The following GRK1 variants were observed in gnomAD, a reference collection of about 807,000 sequenced individuals.
GRK1 encodes G protein-coupled receptor kinase 1.
GRK1 carries 28 observed loss-of-function variants against 41.7 expected under a neutral mutation model. The observed-to-expected ratio is 0.67, with a 90% confidence interval of 0.50 to 0.92. GRK1 has a LOEUF of 0.92. GRK1 is among the 40% of genes least tolerant of loss of function. The probability of loss-of-function intolerance (pLI) is 0.00; values close to 1 mark genes in which losing one functional copy is unlikely to be tolerated. For missense variants in GRK1, 703 were observed against 671.2 expected, an observed-to-expected ratio of 1.05 and a Z score of -0.52; for synonymous variants, 327 against 286.7, an observed-to-expected ratio of 1.14 and a Z score of -1.42.
At chr13:113,732,785 C>A in intron 5 of GRK1, 99 bp from the exon 6 acceptor site, 3 of 1,309,950 alleles carry the variant, frequency 2.3e-6, no homozygotes, top group Non-Finnish European at 3.1e-6. Flanking sequence ...CCCCCACCCG[C>A]GTGGGTGAGC....
chr13:113,727,227 C>T (rs2049894792), intron 4 of GRK1, among the ~76,000 whole-genome samples: 1 of 152,256 alleles, frequency 6.6e-6, no homozygotes, highest in African/African-American at 2.4e-5. Context: ...GCCAAGGACC[C>T]TGCTTGGTCA....
chr13:113,649,238 C>T, the GRK1 span: 518 of 1,061,142 alleles, frequency 4.9e-4, 2 homozygotes, highest in African/African-American at 7.8e-3. The surrounding 1 kb of genome is among the most constrained non-coding windows in gnomAD (Gnocchi z 4.7). Context: ...CTCTGGAGTT[C>T]GCACACTGAC....
At chr13:113,651,698 C>T in the GRK1 span, 18 of 1,613,308 alleles carry the variant, frequency 1.1e-5, no homozygotes, top group African/African-American at 5.3e-5. Flanking sequence ...CTCTGGGGGC[C>T]GAGCCGTTGC....
At chr13:113,668,330 C>T (rs950774981) in intron 1 of GRK1, among the ~76,000 whole-genome samples, 1 of 152,214 alleles carries the variant, frequency 6.6e-6, no homozygotes, top group Non-Finnish European at 1.5e-5. Context: ...GGACGTGCCA[C>T]GTTCACTCGT....
chr13:113,727,870 T>G (rs1402843696), intron 4 of GRK1, among the ~76,000 whole-genome samples: 6 of 86,318 alleles, frequency 7.0e-5, no homozygotes, highest in African/African-American at 1.5e-4. Flanking sequence ...CCCATGGCGA[T>G]GAGTACCCAT....
At position 113,667,585 on chromosome 13, in the gene GRK1, A is replaced by G. The variant is rs371644978; in HGVS notation, c.199A>G (p.Ile67Val). The G allele has an allele frequency of 1.4e-4, 231 of 1,613,484 alleles. No individual in the cohort carries two copies. The highest frequency in any genetic ancestry group is 1.8e-4 in the Non-Finnish European group (216 of 1,179,894). ...TGAGAGTGTGTGCTTGGAGCAGCCC[A>G]TCGGCAAGAAGCTCTTTCAGCAGTT... Reference protein sequence around the residue: ...EFESVCLEQPIGKKLFQQFLQ... With the variant: ...EFESVCLEQPVGKKLFQQFLQ... Residue 67 changes from isoleucine (I) to valine (V), a missense_variant, in exon 1 of 7, where the codon ATC becomes GTC. By Grantham distance (29) the Ile-to-Val change is conservative (BLOSUM62 3). Transcript: ENST00000335678. The surrounding 1 kb of genome is among the most constrained non-coding windows in gnomAD (Gnocchi z 7.5).
upstream of GRK1, among the ~76,000 whole-genome samples, chr13:113,662,929 T>A (rs2049798522): frequency 6.6e-6 from 1 of 152,230 alleles, no homozygotes; most frequent in Non-Finnish European, 1.5e-5. Context: ...TTTTGGTAGA[T>A]ATATACAAGA....
intron 6 of GRK1, among the ~76,000 whole-genome samples, 171 bp downstream of exon 6, chr13:113,733,256 C>A (rs2049950885): frequency 6.6e-6 from 1 of 152,218 alleles, no homozygotes; most frequent in African/African-American, 2.4e-5. Context: ...ATCCCAGCCC[C>A]AGGACAAGCC....
chr13:113,733,933 CATACGTGTGT>C (rs2049976298), intron 6 of GRK1, among the ~76,000 whole-genome samples: 1 of 97,314 alleles, frequency 1.0e-5, no homozygotes, highest in African/African-American at 4.5e-5. Context: ...TGCATGTGTG[CATACGTGTGT>C]GCGTGTGTGT....
chr13:113,664,497 C>T (rs1329634278), upstream of GRK1, among the ~76,000 whole-genome samples: 2 of 152,290 alleles, frequency 1.3e-5, no homozygotes, highest in East Asian at 1.9e-4. This position sits in a 1 kb window ranked among gnomAD's most constrained non-coding sequence, Gnocchi z 5.4. Context: ...TTGAGAGACA[C>T]GTTCACTCTG....
chr13:113,659,012 A>G, the GRK1 span, among the ~76,000 whole-genome samples: 1 of 152,098 alleles, frequency 6.6e-6, no homozygotes, highest in African/African-American at 2.4e-5. Flanking sequence ...CCTGGGCAGT[A>G]CCTCGGGGTC....
At chr13:113,654,051 G>C in the GRK1 span, among the ~76,000 whole-genome samples, 1 of 152,170 alleles carries the variant, frequency 6.6e-6, no homozygotes, top group African/African-American at 2.4e-5. Flanking sequence ...CTTCCCGTGC[G>C]ATTGGGAGCC....
At chr13:113,667,212 G>A, upstream of GRK1, 1 of 633,488 alleles carries the variant, frequency 1.6e-6, no homozygotes, top group Non-Finnish European at 2.6e-6. The surrounding 1 kb of genome is among the most constrained non-coding windows in gnomAD (Gnocchi z 7.5). Flanking sequence ...GCTCCCAGGG[G>A]CTTCCCAGTG....
upstream of GRK1, among the ~76,000 whole-genome samples, chr13:113,665,802 G>T (rs1214352864): frequency 7.1e-6 from 1 of 141,518 alleles, no homozygotes; most frequent in African/African-American, 2.7e-5. Flanking sequence ...TCTCAGATGG[G>T]TCCCAAGTGT....
At chr13:113,724,946 G>A (rs2049881713) in intron 4 of GRK1, among the ~76,000 whole-genome samples, 2 of 152,224 alleles carry the variant, frequency 1.3e-5, no homozygotes, top group Non-Finnish European at 1.5e-5. Context: ...CGGATGGAAA[G>A]GGCCCAGCTT....
rs766547270 is a variant in GRK1 at position 113,671,630 on chromosome 13, C to T, written c.959C>T (p.Pro320Leu). 3.9e-6 allele frequency: 3 copies of T among 768,400 alleles called. No individual in the cohort carries two copies. Among genetic ancestry groups the T allele is most frequent in the Admixed American group, 3.4e-5 (2 of 58,720 alleles). 47.6% of individuals were successfully genotyped at this position (768,400 alleles called of 1,614,324 possible). The change falls in exon 3 of 7, where the codon CCC (proline) becomes CTC (leucine). Residue 320 changes from proline (P) to leucine (L), a missense_variant. Transcript: ENST00000335678. The surrounding 1 kb of genome is among the most constrained non-coding windows in gnomAD (Gnocchi z 4.1). The stretch of plus-strand genomic sequence containing the variant: ...CGGATCGTCTACCGCGACCTCAAGC[C>T]CGAGAACGTGCTGCTGGACAATGAC... ...QRRIVYRDLK[P>L]ENVLLDNDGN...
At chr13:113,650,124 T>C in the GRK1 span, among the ~76,000 whole-genome samples, 1 of 151,768 alleles carries the variant, frequency 6.6e-6, no homozygotes, top group African/African-American at 2.4e-5. This position sits in a 1 kb window ranked among gnomAD's most constrained non-coding sequence, Gnocchi z 5.0. Flanking sequence ...GATGCTAAGA[T>C]TGCATTGCTG....
the GRK1 span, among the ~76,000 whole-genome samples, chr13:113,658,999 C>T: frequency 4.0e-3 from 613 of 152,290 alleles, 2 homozygotes; most frequent in African/African-American, 0.013. Flanking sequence ...GGGGGATGCT[C>T]AGCCTGGGCA....
the GRK1 span, among the ~76,000 whole-genome samples, chr13:113,657,450 C>T: frequency 6.6e-6 from 1 of 152,226 alleles, no homozygotes; most frequent in African/African-American, 2.4e-5. Flanking sequence ...GAGGCCCAGG[C>T]ATCTGCTTTC....
Sources: gnomAD v4.1 joint callset for allele counts (sites outside exome capture counted in the v4.1 genomes callset) on GRCh38, gnomAD v4.1.1 for gene constraint, Gnocchi (gnomAD v3.1) non-coding constraint, MANE v1.5 for transcripts, NCBI Gene and HGNC (gene_info 2026-07-23, HGNC 2026-07-21) for gene names.